CDK19: variants seen among roughly 807,000 people sequenced by gnomAD.
CDK19 encodes the protein cyclin dependent kinase 19, also known as cyclin-dependent kinase 19.
A neutral mutation model predicts 68.3 loss-of-function variants in CDK19; 20 were observed. The ratio of observed to expected loss-of-function variants is 0.29; its 90% CI spans 0.21 to 0.43. The LOEUF (loss-of-function observed/expected upper bound fraction) is 0.43, where lower values mean the gene tolerates loss of function less well. Among genes scored for constraint, CDK19 ranks in the 20% least tolerant of loss-of-function variants. CDK19 has a pLI of 1.00. For missense variants in CDK19, 339 were observed against 623.5 expected (o/e 0.54, Z 4.86); for synonymous variants, 221 against 222.8 (o/e 0.99, Z 0.07).
At chr6:110,704,550 T>A (rs1297335079) in intron 2 of CDK19, among the ~76,000 whole-genome samples, 1 of 152,196 alleles carries the variant, frequency 6.6e-6, no homozygotes, top group African/African-American at 2.4e-5. Context: ...CATTTGGAAG[T>A]CAGCAAATGA....
chr6:110,725,554 C>CAG lies in CDK19; in HGVS notation c.204+20570_204+20571dup, dbSNP rs145362632. On this transcript the variant is annotated intron_variant, in intron 2 of 12. Coordinates refer to ENST00000368911, the MANE Select transcript of CDK19 (RefSeq NM_015076.5). ...AAATCAGTAGACAGAGAGAGAGGGG[C>CAG]AGAGAGAGAGAGAGAGAAACAGATC... 1.5e-4 allele frequency among the ~76,000 whole-genome samples: 23 copies of CAG among 149,606 alleles called. No homozygotes were observed. The South Asian group carries it at 2.7e-3, about 18-fold the overall frequency.
At chr6:110,663,697 A>G (rs1406238759) in intron 4 of CDK19, among the ~76,000 whole-genome samples, 1 of 152,038 alleles carries the variant, frequency 6.6e-6, no homozygotes, top group African/African-American at 2.4e-5. Flanking sequence ...ACACCCAGTT[A>G]ATTTTTTATT....
chr6:110,719,282 T>C (rs1775641343), intron 2 of CDK19, among the ~76,000 whole-genome samples: 1 of 152,094 alleles, frequency 6.6e-6, no homozygotes, highest in Non-Finnish European at 1.5e-5. Flanking sequence ...CCAGGAGTTT[T>C]GAGACCAGCC....
At chr6:110,619,808 C>G (rs1055393389) in intron 12 of CDK19, among the ~76,000 whole-genome samples, 2 of 152,088 alleles carry the variant, frequency 1.3e-5, no homozygotes, top group Admixed American at 6.5e-5. Context: ...TCCTCCCCAA[C>G]TGCCAGCCCC....
chr6:110,744,256 C>CG (rs1036819355), intron 2 of CDK19, among the ~76,000 whole-genome samples: 18 of 151,944 alleles, frequency 1.2e-4, no homozygotes, highest in Admixed American at 3.3e-4. Context: ...ATCCACCCCC[C>CG]CAACAGCCTC....
At chr6:110,701,386 C>CAAAA (rs58069740) in intron 2 of CDK19, among the ~76,000 whole-genome samples, 2 of 124,546 alleles carry the variant, frequency 1.6e-5, no homozygotes, top group African/African-American at 3.0e-5. Flanking sequence ...ACTAAAAATA[C>CAAAA]AAAAAAAAAA....
intron 2 of CDK19, among the ~76,000 whole-genome samples, chr6:110,705,074 C>A (rs1774334441): frequency 6.8e-6 from 1 of 147,302 alleles, no homozygotes; most frequent in South Asian, 2.2e-4. Flanking sequence ...TGGAGTTTCA[C>A]TCTTGTCACC....
At chr6:110,762,651 A>G (rs1350000204) in intron 1 of CDK19, among the ~76,000 whole-genome samples, 1 of 152,222 alleles carries the variant, frequency 6.6e-6, no homozygotes, top group Non-Finnish European at 1.5e-5. Flanking sequence ...CACAGTGTCC[A>G]GCACCTATTA....
intron 2 of CDK19, among the ~76,000 whole-genome samples, chr6:110,692,772 G>A (rs908219588): frequency 6.6e-6 from 1 of 152,166 alleles, no homozygotes; most frequent in Non-Finnish European, 1.5e-5. Context: ...CAAAGTGGGT[G>A]GATCACCTGA....
chr6:110,636,939 G>A (rs1779815945), intron 5 of CDK19, among the ~76,000 whole-genome samples: 1 of 152,246 alleles, frequency 6.6e-6, no homozygotes, highest in Admixed American at 6.5e-5. Flanking sequence ...GTCTTTCACA[G>A]AGGCTTTCTC....
intron 1 of CDK19, among the ~76,000 whole-genome samples, chr6:110,786,427 T>A (rs1468712170): frequency 1.3e-5 from 2 of 152,178 alleles, no homozygotes; most frequent in Non-Finnish European, 2.9e-5. Flanking sequence ...TGTGAAGTCA[T>A]GCACAACATC....
At chr6:110,646,300 T>G in intron 4 of CDK19, 1 of 1,501,462 alleles carries the variant, frequency 6.7e-7, no homozygotes, top group South Asian at 1.3e-5. Flanking sequence ...AAGCACAAGG[T>G]GCTCAGCGAC....
intron 1 of CDK19, among the ~76,000 whole-genome samples, chr6:110,775,833 T>G (rs1780357191): frequency 6.6e-6 from 1 of 152,204 alleles, no homozygotes; most frequent in Non-Finnish European, 1.5e-5. Flanking sequence ...AAGTATTGTC[T>G]TAAAATCTGA....
At chr6:110,739,695 A>G (rs1777508195) in intron 2 of CDK19, among the ~76,000 whole-genome samples, 1 of 151,572 alleles carries the variant, frequency 6.6e-6, no homozygotes, top group Non-Finnish European at 1.5e-5. Flanking sequence ...TAGTGGTGCA[A>G]TCGTAACTCA....
chr6:110,681,667 A>C (rs1403702025), intron 2 of CDK19, among the ~76,000 whole-genome samples: 1 of 152,224 alleles, frequency 6.6e-6, no homozygotes, highest in Non-Finnish European at 1.5e-5. Context: ...AACGGACTTT[A>C]ATCTCTTGTC....
chr6:110,640,318 C>T (rs1355616059), intron 4 of CDK19, among the ~76,000 whole-genome samples: 4 of 150,908 alleles, frequency 2.7e-5, no homozygotes, highest in African/African-American at 4.9e-5. Context: ...GTCTTAAATG[C>T]CAAGTGAAGT....
chr6:110,734,507 G>C (rs886920085), intron 2 of CDK19, among the ~76,000 whole-genome samples: 1 of 65,246 alleles, frequency 1.5e-5, no homozygotes, highest in Non-Finnish European at 4.0e-5. Flanking sequence ...ATAAAACTAA[G>C]AGGGTGAGCA....
At chr6:110,757,881 T>C (rs912139615) in intron 1 of CDK19, among the ~76,000 whole-genome samples, 2 of 152,108 alleles carry the variant, frequency 1.3e-5, no homozygotes, top group Non-Finnish European at 2.9e-5. Flanking sequence ...AAATAACGAA[T>C]AAGCAGCAGT....
intron 1 of CDK19, among the ~76,000 whole-genome samples, chr6:110,780,817 TTCCCA>T (rs1208138290): frequency 6.6e-6 from 1 of 152,082 alleles, no homozygotes; most frequent in Non-Finnish European, 1.5e-5. Context: ...TCTGGAAGAT[TTCCCA>T]TCTTCCAGAG....
Sources: gnomAD v4.1 joint callset for allele counts (sites outside exome capture counted in the v4.1 genomes callset) on GRCh38, gnomAD v4.1.1 for gene constraint, MANE v1.5 for transcripts, NCBI Gene and HGNC (gene_info 2026-07-23, HGNC 2026-07-21) for gene names.